The following MLLT3 variants were observed in gnomAD, a reference collection of about 807,000 sequenced individuals.
MLLT3 encodes protein AF-9.
In MLLT3, 4 loss-of-function variants were observed where a neutral mutation model predicts 53.2. The observed-to-expected ratio is 0.08, with a 90% confidence interval of 0.04 to 0.17. The LOEUF is 0.17. MLLT3 is among the 10% of genes least tolerant of loss of function. The probability of loss-of-function intolerance (pLI) is 1.00; values close to 1 mark genes in which losing one functional copy is unlikely to be tolerated. For synonymous variants in MLLT3, 283 were observed against 230.6 expected, an observed-to-expected ratio of 1.23 and a Z score of -2.06; for missense variants, 569 against 684.0, an observed-to-expected ratio of 0.83 and a Z score of 1.87.
intron 2 of MLLT3, among the ~76,000 whole-genome samples, chr9:20,574,833 T>C (rs1432541408): frequency 3.9e-5 from 6 of 152,236 alleles, no homozygotes; most frequent in Non-Finnish European, 8.8e-5. Flanking sequence ...TGCCGTTTGA[T>C]AGCATTTTAC....
At chr9:20,420,283 C>G (rs908530673) in intron 4 of MLLT3, among the ~76,000 whole-genome samples, 1 of 152,126 alleles carries the variant, frequency 6.6e-6, no homozygotes, top group Non-Finnish European at 1.5e-5. Flanking sequence ...AATGGAAGAA[C>G]TGAATTCTCC....
At position 20,484,062 on chromosome 9, in the gene MLLT3, G is replaced by C. The variant is rs534050484; in HGVS notation, c.194-27276C>G. Among the ~76,000 whole-genome samples the C allele has an allele frequency of 3.9e-4, 60 of 152,142 alleles. 1 individual carries two copies. The highest frequency in any genetic ancestry group is 7.2e-4 in the Admixed American group (11 of 15,264). The stretch of plus-strand genomic sequence containing the variant: ...TTAGTAGATATATTCCACTTTCAGA[G>C]AGGTTAAAATGTAGATCTTAAAATA... On this transcript the variant is annotated intron_variant, in intron 2 of 10. Transcript: ENST00000380338.
chr9:20,430,415 G>A (rs1056316695), intron 4 of MLLT3, among the ~76,000 whole-genome samples: 5 of 152,040 alleles, frequency 3.3e-5, no homozygotes, highest in Non-Finnish European at 5.9e-5. Context: ...TATTGCTACA[G>A]AGATCAACAA....
chr9:20,352,018 T>A (rs1026331782), intron 10 of MLLT3, among the ~76,000 whole-genome samples: 1 of 152,208 alleles, frequency 6.6e-6, no homozygotes, highest in Non-Finnish European at 1.5e-5. Context: ...CAGATATTAC[T>A]CTCTCCCTCT....
intron 4 of MLLT3, among the ~76,000 whole-genome samples, chr9:20,415,236 A>C (rs939823350): frequency 5.3e-5 from 8 of 152,206 alleles, no homozygotes; most frequent in African/African-American, 1.9e-4. Flanking sequence ...AAAGGAAGTT[A>C]ATAGAACAAA....
At chr9:20,566,056 A>T (rs1424618694) in intron 2 of MLLT3, among the ~76,000 whole-genome samples, 2 of 98,206 alleles carry the variant, frequency 2.0e-5, no homozygotes, top group African/African-American at 3.2e-5. Context: ...ATATATATTT[A>T]TATATATATT....
chr9:20,601,030 G>C (rs560846792), intron 2 of MLLT3, among the ~76,000 whole-genome samples: 2 of 152,328 alleles, frequency 1.3e-5, no homozygotes, highest in Non-Finnish European at 2.9e-5. Flanking sequence ...TCACAGACAT[G>C]TTTGCTTTTT....
chr9:20,382,872 T>C lies in MLLT3; in HGVS notation c.1126-17128A>G, dbSNP rs544656748. 1.5e-4 allele frequency among the ~76,000 whole-genome samples: 23 copies of C among 150,728 alleles called. No individual in the cohort carries two copies. In the South Asian group the frequency reaches 3.7e-3, roughly 24 times the overall value. ...AAGTAAAGAAATGACTATGTAAAGA[T>C]TGCAGGATCTATTTGTCTTATGGGT... On this transcript the variant is annotated intron_variant, in intron 5 of 10. Transcript: ENST00000380338.
At chr9:20,373,236 A>C (rs1450229064) in intron 5 of MLLT3, among the ~76,000 whole-genome samples, 2 of 152,194 alleles carry the variant, frequency 1.3e-5, no homozygotes, top group African/African-American at 4.8e-5. Context: ...TATCATTTAC[A>C]ATAGGTCACA....
intron 3 of MLLT3, among the ~76,000 whole-genome samples, chr9:20,453,579 C>A (rs1214854557): frequency 2.6e-5 from 4 of 152,052 alleles, no homozygotes; most frequent in African/African-American, 9.7e-5. Context: ...ACAAAACCAA[C>A]TTTATATATG....
At chr9:20,568,644 C>A (rs1450646546) in intron 2 of MLLT3, among the ~76,000 whole-genome samples, 2 of 152,074 alleles carry the variant, frequency 1.3e-5, no homozygotes, top group African/African-American at 2.4e-5. Flanking sequence ...GAGGATGTAA[C>A]AAGTATAGAA....
chr9:20,443,329 A>G (rs1000645189), intron 4 of MLLT3, among the ~76,000 whole-genome samples: 1 of 152,232 alleles, frequency 6.6e-6, no homozygotes. Context: ...ACAAGGATCC[A>G]ACTACCTTGC....
At chr9:20,547,372 G>A (rs1436173532) in intron 2 of MLLT3, among the ~76,000 whole-genome samples, 1 of 151,846 alleles carries the variant, frequency 6.6e-6, no homozygotes, top group African/African-American at 2.4e-5. Flanking sequence ...GGCCAGGCAT[G>A]GTGGCTCACG....
intron 2 of MLLT3, among the ~76,000 whole-genome samples, chr9:20,471,915 T>G (rs1824403963): frequency 6.6e-6 from 1 of 151,976 alleles, no homozygotes; most frequent in African/African-American, 2.4e-5. Context: ...CAGCTGTTTC[T>G]TAGCTAAGAA....
rs190681029 is a variant in MLLT3, at chr9:20,489,985, A to G, written c.194-33199T>C. 2.0e-3 allele frequency among the ~76,000 whole-genome samples: 310 copies of G among 152,336 alleles called. 1 individual carries two copies. The highest frequency in any genetic ancestry group is 3.7e-3 in the Non-Finnish European group (251 of 68,020). On this transcript the variant is annotated intron_variant, in intron 2 of 10. Coordinates refer to ENST00000380338, the MANE Select transcript of MLLT3 (RefSeq NM_004529.4). ...CAATGGCAAGTACTCAAATAAATAC[A>G]TGGCAAACTGTAAGGTGCTAAGGAT...
At chr9:20,350,314 G>A (rs1256099714) in intron 10 of MLLT3, among the ~76,000 whole-genome samples, 3 of 152,140 alleles carry the variant, frequency 2.0e-5, no homozygotes, top group African/African-American at 7.2e-5. Context: ...AAAAACAGGC[G>A]GCCGGGCGCG....
At chr9:20,543,289 C>A (rs1039802664) in intron 2 of MLLT3, among the ~76,000 whole-genome samples, 1 of 152,196 alleles carries the variant, frequency 6.6e-6, no homozygotes, top group Non-Finnish European at 1.5e-5. Flanking sequence ...CCTAACTCAC[C>A]CAGCTTTTGA....
At chr9:20,435,178 G>A (rs1823371192) in intron 4 of MLLT3, among the ~76,000 whole-genome samples, 7 of 152,024 alleles carry the variant, frequency 4.6e-5, no homozygotes, top group Admixed American at 6.6e-5. Context: ...AGGGCGGCCT[G>A]GACTGGTGGC....
intron 2 of MLLT3, among the ~76,000 whole-genome samples, chr9:20,558,764 G>C (rs1158723063): frequency 6.6e-6 from 1 of 152,160 alleles, no homozygotes; most frequent in Admixed American, 6.5e-5. Flanking sequence ...ATATCACTTA[G>C]CAAATGCAAT....
Sources: allele counts gnomAD v4.1 joint callset (sites outside exome capture counted in the v4.1 genomes callset), GRCh38; gene constraint gnomAD v4.1.1; transcripts MANE v1.5; gene names NCBI Gene and HGNC (gene_info 2026-07-23, HGNC 2026-07-21).